The following FMN2 variants were observed in gnomAD, a reference collection of about 807,000 sequenced individuals.
The protein encoded by FMN2 is formin 2.
In FMN2, 51 loss-of-function variants were observed where a neutral mutation model predicts 142.3. The ratio of observed to expected loss-of-function variants is 0.36; its 90% confidence interval spans 0.29 to 0.45. The LOEUF (loss-of-function observed/expected upper bound fraction) is 0.45. FMN2 is among the 20% of genes least tolerant of loss of function. The probability of loss-of-function intolerance (pLI) is 1.00; values close to 1 mark genes in which losing one functional copy is unlikely to be tolerated. For missense variants in FMN2, 1,936 were observed against 2,122.8 expected, an observed-to-expected ratio of 0.91 and a Z score of 1.73; for synonymous variants, 882 against 869.8, an observed-to-expected ratio of 1.01 and a Z score of -0.25.
At chr1:240,451,211 C>CA (rs560563366) in intron 16 of FMN2, among the ~76,000 whole-genome samples, 21 of 151,866 alleles carry the variant, frequency 1.4e-4, no homozygotes, top group African/African-American at 5.1e-4. Flanking sequence ...ACTAAAAATA[C>CA]AAAAATTAGC....
chr1:240,234,674 C>T (rs1381187829), intron 6 of FMN2, among the ~76,000 whole-genome samples: 1 of 152,110 alleles, frequency 6.6e-6, no homozygotes, highest in African/African-American at 2.4e-5. Flanking sequence ...GTGTATCAGC[C>T]TCCCCACAGA....
At chr1:240,427,605 C>A (rs945976762) in intron 15 of FMN2, among the ~76,000 whole-genome samples, 3 of 152,168 alleles carry the variant, frequency 2.0e-5, no homozygotes, top group Admixed American at 6.5e-5. Flanking sequence ...ACAATAGGTG[C>A]CCCTATGACA....
At chr1:240,397,937 A>G (rs1214080134) in intron 15 of FMN2, among the ~76,000 whole-genome samples, 5 of 151,868 alleles carry the variant, frequency 3.3e-5, no homozygotes, top group Admixed American at 3.3e-4. Flanking sequence ...GAGAAACCTT[A>G]TTAGCCTTGA....
At chr1:240,358,869 G>T (rs1237017760) in intron 14 of FMN2, among the ~76,000 whole-genome samples, 1 of 152,136 alleles carries the variant, frequency 6.6e-6, no homozygotes. Context: ...AGGCCCAGTG[G>T]CTCACTCCCA....
intron 1 of FMN2, among the ~76,000 whole-genome samples, chr1:240,116,715 C>G (rs1226545777): frequency 6.6e-6 from 1 of 151,698 alleles, no homozygotes; most frequent in Non-Finnish European, 1.5e-5. Context: ...ATGATAGGGC[C>G]ACTGCATTCC....
At chr1:240,324,593 A>G (rs538508982) in intron 8 of FMN2, among the ~76,000 whole-genome samples, 147 of 149,740 alleles carry the variant, frequency 9.8e-4, no homozygotes, top group African/African-American at 3.3e-3. Flanking sequence ...CCTGGGAGGC[A>G]GAGGTTGTAG....
At chr1:240,441,271 G>A (rs1437788316) in intron 16 of FMN2, among the ~76,000 whole-genome samples, 1 of 152,048 alleles carries the variant, frequency 6.6e-6, no homozygotes, top group Non-Finnish European at 1.5e-5. Context: ...GGGATTACAG[G>A]CGTGAGCCAC....
chr1:240,247,312 G>A (rs1668113315), intron 6 of FMN2, among the ~76,000 whole-genome samples: 1 of 152,078 alleles, frequency 6.6e-6, no homozygotes, highest in South Asian at 2.1e-4. Context: ...AGACCAGCCT[G>A]ACCAACATGG....
chr1:240,144,892 G>A (rs113988587), intron 2 of FMN2: 77 of 1,423,716 alleles, frequency 5.4e-5, no homozygotes, highest in Non-Finnish European at 7.0e-5. Context: ...CTCCTGCCAG[G>A]TGCCTGATAT....
At chr1:240,288,742 T>G (rs1305653821) in intron 7 of FMN2, among the ~76,000 whole-genome samples, 1 of 151,332 alleles carries the variant, frequency 6.6e-6, no homozygotes, top group East Asian at 1.9e-4. Context: ...TCTGTCTCAC[T>G]CTAAGGGAAG....
At chr1:240,198,055 TAAA>T (rs1476378703) in intron 4 of FMN2, among the ~76,000 whole-genome samples, 1 of 152,062 alleles carries the variant, frequency 6.6e-6, no homozygotes. Flanking sequence ...GATTAGGAGG[TAAA>T]AAACTGAGCT....
At chr1:240,144,113 C>T in intron 2 of FMN2, 1 of 1,166,966 alleles carries the variant, frequency 8.6e-7, no homozygotes, top group Non-Finnish European at 1.3e-6. Flanking sequence ...GGCCACCATC[C>T]ACATCCCACA....
At chr1:240,362,081 T>C (rs1274769785) in intron 14 of FMN2, among the ~76,000 whole-genome samples, 3 of 152,118 alleles carry the variant, frequency 2.0e-5, no homozygotes, top group Admixed American at 1.3e-4. Context: ...ACGGAACATG[T>C]TTCTGGGATT....
At chr1:240,322,944 T>C (rs1671024141) in intron 8 of FMN2, among the ~76,000 whole-genome samples, 2 of 152,166 alleles carry the variant, frequency 1.3e-5, no homozygotes, top group South Asian at 4.1e-4. Context: ...TTCCTCAAGT[T>C]CATTTCATAA....
intron 16 of FMN2, among the ~76,000 whole-genome samples, chr1:240,456,241 C>T (rs1676242527): frequency 6.6e-6 from 1 of 152,040 alleles, no homozygotes; most frequent in Non-Finnish European, 1.5e-5. Flanking sequence ...AAACTGAAAG[C>T]TTATTCATAT....
At chr1:240,103,491 C>A (rs1045052940) in intron 1 of FMN2, among the ~76,000 whole-genome samples, 1 of 152,192 alleles carries the variant, frequency 6.6e-6, no homozygotes, top group Non-Finnish European at 1.5e-5. Flanking sequence ...CCTCTTAACA[C>A]CCTCCTTCTG....
At chr1:240,220,792 G>A (rs946343007) in intron 6 of FMN2, among the ~76,000 whole-genome samples, 2 of 152,030 alleles carry the variant, frequency 1.3e-5, no homozygotes, top group East Asian at 1.9e-4. Flanking sequence ...AGGTATACAC[G>A]TGCCATGGTG....
intron 16 of FMN2, among the ~76,000 whole-genome samples, chr1:240,452,634 T>C (rs938385846): frequency 2.0e-5 from 3 of 152,028 alleles, no homozygotes; most frequent in Non-Finnish European, 4.4e-5. Flanking sequence ...TTTTTCCAGG[T>C]GTTCAGGGGA....
chr1:240,352,455 G>A (rs866007947), intron 13 of FMN2, among the ~76,000 whole-genome samples: 8 of 152,210 alleles, frequency 5.3e-5, no homozygotes, highest in Middle Eastern at 3.4e-3. Context: ...GGTGGCAGGC[G>A]CCTGTAATCC....
Sources: allele counts gnomAD v4.1 joint callset (sites outside exome capture counted in the v4.1 genomes callset), GRCh38; gene constraint gnomAD v4.1.1; transcripts MANE v1.5; gene names NCBI Gene and HGNC (gene_info 2026-07-23, HGNC 2026-07-21).